Variants in CACNB2 observed in about 807,000 individuals in gnomAD.
CACNB2 encodes voltage-dependent L-type calcium channel subunit beta-2.
In CACNB2, 42 loss-of-function variants were observed where a neutral mutation model predicts 73.3. That is an observed-to-expected ratio of 0.57 (90% CI 0.45 to 0.74). CACNB2 has a LOEUF of 0.74. CACNB2 is among the 30% of genes least tolerant of loss of function. The probability of loss-of-function intolerance (pLI) is 0.00; values close to 1 mark genes in which losing one functional copy is unlikely to be tolerated. For synonymous variants in CACNB2, 348 were observed against 310.3 expected (o/e 1.12, Z -1.28); for missense variants, 940 against 853.0 (o/e 1.10, Z -1.27).
At chr10:18,422,857 C>G (rs1480913034) in intron 3 of CACNB2, among the ~76,000 whole-genome samples, 1 of 152,150 alleles carries the variant, frequency 6.6e-6, no homozygotes. Flanking sequence ...CGACACCACA[C>G]CCAGCTAATT....
At chr10:18,164,284 A>G (rs1439106916) in intron 2 of CACNB2, among the ~76,000 whole-genome samples, 2 of 152,154 alleles carry the variant, frequency 1.3e-5, no homozygotes, top group African/African-American at 4.8e-5. Flanking sequence ...AGTGCCACTG[A>G]CTAATAGACG....
intron 2 of CACNB2, among the ~76,000 whole-genome samples, chr10:18,255,281 T>C (rs1470641561): frequency 6.6e-6 from 1 of 152,174 alleles, no homozygotes; most frequent in Non-Finnish European, 1.5e-5. Context: ...AAGCTGGGCC[T>C]TCTCCCTTCT....
chr10:18,239,747 A>G (rs1393354440), intron 2 of CACNB2, among the ~76,000 whole-genome samples: 1 of 152,244 alleles, frequency 6.6e-6, no homozygotes. Flanking sequence ...AAAGTAGAGA[A>G]GTGTTCTAAA....
chr10:18,495,752 TA>T (rs2049773205), intron 3 of CACNB2, among the ~76,000 whole-genome samples: 2 of 152,056 alleles, frequency 1.3e-5, no homozygotes, highest in Admixed American at 1.3e-4. Flanking sequence ...TTCATTTTTT[TA>T]TGTTTAATAT....
At chr10:18,227,007 C>T (rs1485010765) in intron 2 of CACNB2, among the ~76,000 whole-genome samples, 1 of 152,180 alleles carries the variant, frequency 6.6e-6, no homozygotes, top group African/African-American at 2.4e-5. Context: ...GAGACTATTT[C>T]TTCACCCATA....
intron 6 of CACNB2, among the ~76,000 whole-genome samples, chr10:18,510,588 C>A (rs762083333): frequency 6.6e-6 from 1 of 152,218 alleles, no homozygotes; most frequent in Non-Finnish European, 1.5e-5. Flanking sequence ...CAGGCATGAG[C>A]CACCATGCCC....
intron 2 of CACNB2, among the ~76,000 whole-genome samples, chr10:18,302,467 G>A (rs568230028): frequency 1.3e-5 from 2 of 152,158 alleles, no homozygotes; most frequent in Middle Eastern, 3.2e-3. Flanking sequence ...CAATAAACGA[G>A]TGGATAGAGA....
intron 6 of CACNB2, among the ~76,000 whole-genome samples, chr10:18,506,810 A>ATTTT (rs1033353613): frequency 3.3e-5 from 5 of 151,876 alleles, no homozygotes; most frequent in African/African-American, 9.7e-5. Context: ...TTATTTATTT[A>ATTTT]TTTTTTTGAG....
chr10:18,281,015 T>G (rs2038522306), intron 2 of CACNB2, among the ~76,000 whole-genome samples: 1 of 152,182 alleles, frequency 6.6e-6, no homozygotes, highest in Non-Finnish European at 1.5e-5. Context: ...TGAATTACCT[T>G]GCTGGGCTTT....
chr10:18,501,630 C>T (rs888262073), intron 5 of CACNB2, among the ~76,000 whole-genome samples: 4 of 152,348 alleles, frequency 2.6e-5, no homozygotes, highest in East Asian at 1.9e-4. Flanking sequence ...GGTCTAAGGA[C>T]GCAGCATGCC....
intron 2 of CACNB2, among the ~76,000 whole-genome samples, chr10:18,315,820 A>G (rs985110988): frequency 6.6e-6 from 1 of 152,188 alleles, no homozygotes; most frequent in African/African-American, 2.4e-5. Flanking sequence ...CATGGTATAA[A>G]TACTCCCACC....
At chr10:18,217,375 T>C (rs1445328454) in intron 2 of CACNB2, among the ~76,000 whole-genome samples, 1 of 151,720 alleles carries the variant, frequency 6.6e-6, no homozygotes, top group Non-Finnish European at 1.5e-5. Flanking sequence ...ACCCAGTAAC[T>C]CGGTAGGCTG....
intron 2 of CACNB2, among the ~76,000 whole-genome samples, chr10:18,152,353 A>C (rs1195195498): frequency 2.0e-5 from 3 of 152,170 alleles, no homozygotes; most frequent in South Asian, 2.1e-4. Context: ...TTACTTAAGA[A>C]GGGGCAAAGC....
At chr10:18,204,830 G>T (rs2131325622) in intron 2 of CACNB2, among the ~76,000 whole-genome samples, 1 of 152,236 alleles carries the variant, frequency 6.6e-6, no homozygotes, top group Middle Eastern at 3.4e-3. Flanking sequence ...TATTGCTTCT[G>T]ATCACATATG....
chr10:18,448,479 TAAAAAAAAA>T (rs56255761), intron 3 of CACNB2, among the ~76,000 whole-genome samples: 5 of 107,066 alleles, frequency 4.7e-5, no homozygotes, highest in South Asian at 3.7e-4. Context: ...CTCTCTCATT[TAAAAAAAAA>T]AAAAAAAAAA....
intron 2 of CACNB2, among the ~76,000 whole-genome samples, chr10:18,168,240 C>T (rs1295895673): frequency 6.6e-6 from 1 of 152,000 alleles, no homozygotes; most frequent in Non-Finnish European, 1.5e-5. Context: ...GAGCTATGAT[C>T]AAACCTGGGC....
At chr10:18,205,269 C>G (rs189910490) in intron 2 of CACNB2, among the ~76,000 whole-genome samples, 42 of 152,212 alleles carry the variant, frequency 2.8e-4, no homozygotes, top group African/African-American at 8.4e-4. Context: ...CTTTGCTAGC[C>G]TCAGTTTTCT....
At position 18,489,740 on chromosome 10, in the gene CACNB2, T is replaced by C. The variant is rs141783786; in HGVS notation, c.334-8615T>C. Among the ~76,000 whole-genome samples the C allele has an allele frequency of 2.9e-3, 435 of 152,336 alleles. 7 individuals are homozygous for C. Among genetic ancestry groups the C allele is most frequent in the Non-Finnish European group, 4.4e-4 (30 of 68,026 alleles). On this transcript the variant is annotated intron_variant, in intron 3 of 13. Transcript: ENST00000324631. The stretch of plus-strand genomic sequence containing the variant: ...CATCATTTTACAGTAAGTCCTGTCA[T>C]GTACAAGGTAAAGAAGGACCTAGAA...
At chr10:18,185,862 T>C (rs2034124794) in intron 2 of CACNB2, among the ~76,000 whole-genome samples, 1 of 152,138 alleles carries the variant, frequency 6.6e-6, no homozygotes, top group African/African-American at 2.4e-5. Context: ...AATCATGTTG[T>C]CATGGAGATG....
Sources: allele counts gnomAD v4.1 joint callset (sites outside exome capture counted in the v4.1 genomes callset), GRCh38; gene constraint gnomAD v4.1.1; transcripts MANE v1.5; gene names NCBI Gene and HGNC (gene_info 2026-07-23, HGNC 2026-07-21).